RLBP1: variants seen among roughly 807,000 people sequenced by gnomAD.
The protein encoded by RLBP1 is retinaldehyde-binding protein 1.
Under a neutral mutation model 36.2 loss-of-function variants are expected in RLBP1, and 26 were observed. That is an observed-to-expected ratio of 0.72 (90% CI 0.53 to 1.00). The LOEUF is 1.00. Among genes scored for constraint, RLBP1 ranks in the 50% least tolerant of loss-of-function variants. The pLI is 0.00. For missense variants in RLBP1, 410 were observed against 402.4 expected, an observed-to-expected ratio of 1.02 and a Z score of -0.16; for synonymous variants, 155 against 156.2, an observed-to-expected ratio of 0.99 and a Z score of 0.06.
chr15:89,215,058 A>C lies in RLBP1; in HGVS notation c.525+2T>G. ...GTGGGAGCCAGGCGAGCCCCCACTA[A>C]CCTCATCAAAGGTGATTTCTTGACT... On this transcript the variant is annotated splice_donor_variant, in intron 6 of 8. Transcript: ENST00000268125. LOFTEE classifies it high-confidence loss of function. The C allele has an allele frequency of 6.2e-7, 1 of 1,613,962 alleles. No individual in the cohort carries two copies. Among genetic ancestry groups the C allele is most frequent in the Non-Finnish European group, 8.5e-7 (1 of 1,179,946 alleles).
In RLBP1 at chr15:89,218,694, C is replaced by G. The variant is rs763694069; in HGVS notation, c.13-1G>C. The G allele has an allele frequency of 7.4e-6, 12 of 1,613,966 alleles. No homozygotes were observed. Among genetic ancestry groups the G allele is most frequent in the Non-Finnish European group, 7.6e-6 (9 of 1,180,054 alleles). On this transcript the variant is annotated splice_acceptor_variant, in intron 3 of 8. Coordinates refer to ENST00000268125, the MANE Select transcript of RLBP1 (RefSeq NM_000326.5). LOFTEE classifies it high-confidence loss of function. This position sits in a 1 kb window ranked among gnomAD's most constrained non-coding sequence, Gnocchi z 4.6. ...CAGGTACCATGCGGAACGTGCCCAC[C>G]TGGGCAGAGAAAGGAAAAAGAGGAA...
rs2051569732 is a variant in RLBP1 at position 89,215,195 on chromosome 15, G to A, written c.390C>T (p.Ser130=). The part of the protein sequence containing the change: ...FRLQYPELFD[S]LSPEAVRCTI... ...TGCAGCGGACAGCCTCTGGGGACAG[G>A]CTGTCAAAGAGCTCAGGGTACTGCA... The change falls in exon 6 of 9, where the codon AGC becomes AGT. Residue 130 remains serine, a synonymous_variant. Transcript: ENST00000268125. 1 of 1,614,212 alleles carries A rather than the reference G, an allele frequency of 6.2e-7. No homozygotes were observed. The highest frequency in any genetic ancestry group is 1.7e-5 in the Admixed American group (1 of 60,028).
At chr15:89,212,831 C>T (rs2854511) in intron 6 of RLBP1, among the ~76,000 whole-genome samples, 48,504 of 151,358 alleles carry the variant, frequency 0.32, 8,637 homozygotes, top group Non-Finnish European at 0.4. Context: ...CAGGTTCAAG[C>T]GATTCCCCTG....
chr15:89,210,215 G>T lies in RLBP1; in HGVS notation c.*70C>A. The T allele has an allele frequency of 6.3e-7, 1 of 1,580,570 alleles. No individual in the cohort carries two copies. ...AGTCATCTCAAGCAGCCCTTTCCTA[G>T]CCTTGGGTCCAGGACAGTTGAGGAG... On this transcript the variant is annotated 3_prime_UTR_variant, in exon 9 of 9. Coordinates refer to ENST00000268125, the MANE Select transcript of RLBP1 (RefSeq NM_000326.5). The surrounding 1 kb of genome is among the most constrained non-coding windows in gnomAD (Gnocchi z 4.7).
chr15:89,218,770 C>A lies in RLBP1; in HGVS notation c.13-77G>T. ...GCCAGGGAAATGGGCCTGCTCAGAC[C>A]TTCAGTTCTTTTGCCCAAGGTCATT... On this transcript the variant is annotated intron_variant, in intron 3 of 8. Coordinates refer to ENST00000268125, the MANE Select transcript of RLBP1 (RefSeq NM_000326.5). The surrounding 1 kb of genome is among the most constrained non-coding windows in gnomAD (Gnocchi z 4.6). 3 of 1,604,458 alleles carry A rather than the reference C, an allele frequency of 1.9e-6. No homozygotes were observed. The highest frequency in any genetic ancestry group is 2.5e-6 in the Non-Finnish European group (3 of 1,176,558).
At chr15:89,215,020 C>T in intron 6 of RLBP1, 40 bp downstream of exon 6, 1 of 1,609,522 alleles carries the variant, frequency 6.2e-7, no homozygotes, top group South Asian at 1.1e-5. Context: ...AGGGAGGGAA[C>T]CCAGCCCACA....
rs1248230890 is a variant in RLBP1, at chr15:89,218,906, AAG to A, written c.12+56_12+57del. On this transcript the variant is annotated intron_variant, in intron 3 of 8. Transcript: ENST00000268125. This position sits in a 1 kb window ranked among gnomAD's most constrained non-coding sequence, Gnocchi z 4.6. ...GAGAAGTAAGGAGGGAGGGAGAGGG[AAG>A]AGAGAGAAGAGAGGGAAGGTGGGTG... 6.3e-7 allele frequency: 1 copy of A among 1,584,154 alleles called. No homozygotes were observed. Among genetic ancestry groups the A allele is most frequent in the African/African-American group, 1.3e-5 (1 of 74,328 alleles).
rs2051538024 is a variant in RLBP1 at position 89,211,538 on chromosome 15, G to C, written c.684+205C>G. Among the ~76,000 whole-genome samples, 1 of 152,208 alleles carries C rather than the reference G, an allele frequency of 6.6e-6. No homozygotes were observed. On this transcript the variant is annotated intron_variant, in intron 7 of 8. Coordinates refer to ENST00000268125, the MANE Select transcript of RLBP1 (RefSeq NM_000326.5). This position sits in a 1 kb window ranked among gnomAD's most constrained non-coding sequence, Gnocchi z 5.8. ...GAAGGAGGGAGAGAATGCTCTCAAGGAGTCGATGGAAGAATGAAAGGGAAT... is the reference window on the plus strand; with the variant it reads ...GAAGGAGGGAGAGAATGCTCTCAAGCAGTCGATGGAAGAATGAAAGGGAAT...
Position 89,210,938 on chromosome 15 carries a change from G to A in RLBP1, c.685-129C>T, listed in dbSNP as rs2051533073. ...AGCATCACAGGGCTGCCCTGGAGAA[G>A]GGCCCACTGAAGGTCCTATTTCCAG... On this transcript the variant is annotated intron_variant, in intron 7 of 8. Coordinates refer to ENST00000268125, the MANE Select transcript of RLBP1 (RefSeq NM_000326.5). This position sits in a 1 kb window ranked among gnomAD's most constrained non-coding sequence, Gnocchi z 4.7. 1 of 655,328 alleles carries A rather than the reference G, an allele frequency of 1.5e-6. No homozygotes were observed. The highest frequency in any genetic ancestry group is 2.8e-6 in the Non-Finnish European group (1 of 362,056). 40.6% of individuals were successfully genotyped at this position (655,328 alleles called of 1,614,324 possible).
rs1212087835 is a variant in RLBP1, at chr15:89,215,272, G to T, written c.347-34C>A. The T allele has an allele frequency of 3.7e-6, 6 of 1,610,848 alleles. No homozygotes were observed. The Middle Eastern group carries it at 9.9e-4, about 267-fold the overall frequency. ...AGGAGAGCAGAGGAACCCCCTCAGG[G>T]AGCCATCCCATCCCTACCCCATCCC... is the stretch of plus-strand genomic sequence containing the variant. On this transcript the variant is annotated intron_variant, in intron 5 of 8. Transcript: ENST00000268125.
Position 89,211,746 on chromosome 15 carries a change from G to C in RLBP1, c.681C>G (p.Leu227=). ...TSDLRKMVDM[L]QDSFPARFKA... ...GCGACAGAACTCTAAGCCTCACCTGGAGCATGTCCACCATCTTCCTGAGAT... is the reference window on the plus strand; with the variant it reads ...GCGACAGAACTCTAAGCCTCACCTGCAGCATGTCCACCATCTTCCTGAGAT... The change falls in exon 7 of 9, where the codon CTC becomes CTG. Residue 227 remains leucine (L), a synonymous_variant. Transcript: ENST00000268125. This position sits in a 1 kb window ranked among gnomAD's most constrained non-coding sequence, Gnocchi z 5.8. 1.2e-6 allele frequency: 2 copies of C among 1,613,702 alleles called. No homozygotes were observed. The highest frequency in any genetic ancestry group is 1.7e-6 in the Non-Finnish European group (2 of 1,179,986).
At chr15:89,216,334 T>C (rs1490517603) in intron 5 of RLBP1, among the ~76,000 whole-genome samples, 1 of 152,034 alleles carries the variant, frequency 6.6e-6, no homozygotes, top group African/African-American at 2.4e-5. Flanking sequence ...TCTTTCTTTC[T>C]TTTTTGAGAT....
At chr15:89,217,405 A>C (rs2051591575) in intron 4 of RLBP1, 81 bp from the exon 5 acceptor site, 21 of 1,434,700 alleles carry the variant, frequency 1.5e-5, no homozygotes, top group Admixed American at 3.4e-5. Context: ...GTCTCCTGCC[A>C]GAGCTAGACC....
In RLBP1 at chr15:89,209,913, G is replaced by A. The variant is rs933665325; in HGVS notation, c.*372C>T. On this transcript the variant is annotated 3_prime_UTR_variant, in exon 9 of 9. Coordinates refer to ENST00000268125, the MANE Select transcript of RLBP1 (RefSeq NM_000326.5). ...TTTTATTGCATTTTGGGGGCGAATA[G>A]GGGGATATTTTAACCCGGGCTCCTT... 1.3e-5 allele frequency: 4 copies of A among 312,302 alleles called. No homozygotes were observed. The highest frequency in any genetic ancestry group is 2.5e-5 in the Non-Finnish European group (4 of 163,030). The allele number at this position is 312,302 out of a possible 1,614,324, so 19.3% of individuals were successfully genotyped here.
At position 89,210,310 on chromosome 15, in the gene RLBP1, G is replaced by A; in HGVS notation, c.929C>T (p.Ala310Val). 2 of 1,614,212 alleles carry A rather than the reference G, an allele frequency of 1.2e-6. No individual in the cohort carries two copies. Among genetic ancestry groups the A allele is most frequent in the Non-Finnish European group, 1.7e-6 (2 of 1,180,054 alleles). The change falls in exon 9 of 9, where the codon GCC (alanine) becomes GTC (valine). Residue 310 changes from alanine (A) to valine (V), a missense_variant. Ala to Val is a moderately conservative substitution (Grantham distance 64). Transcript: ENST00000268125. This position sits in a 1 kb window ranked among gnomAD's most constrained non-coding sequence, Gnocchi z 4.7. ...TCAGAAGGCTGTGTTCTCAGCTTGG[G>A]CCTGGGGGCCAAAGAGCTGCTCAGC... ...AVAEQLFGPQ[A>V]QAENTAF is the part of the protein sequence containing the mutation.
chr15:89,211,827 G>A lies in RLBP1; in HGVS notation c.600C>T (p.Ile200=). 6.2e-7 allele frequency: 1 copy of A among 1,614,220 alleles called. No individual in the cohort carries two copies. Among genetic ancestry groups the A allele is most frequent in the Non-Finnish European group, 8.5e-7 (1 of 1,180,036 alleles). ...TGGTAAAGCCCTTGAAGTTCTCAAT[G>A]ATGCAGAAGCCATTGATTTGAGTTT... The part of the protein sequence containing the change: ...NEETQINGFC[I]IENFKGFTMQ... Residue 200 remains isoleucine, a synonymous_variant, in exon 7 of 9, where the codon ATC becomes ATT. Transcript: ENST00000268125. This position sits in a 1 kb window ranked among gnomAD's most constrained non-coding sequence, Gnocchi z 5.8.
chr15:89,213,987 T>C (rs149716260), intron 6 of RLBP1, among the ~76,000 whole-genome samples: 2 of 151,878 alleles, frequency 1.3e-5, no homozygotes, highest in African/African-American at 4.8e-5. Flanking sequence ...ATCTCTATCA[T>C]CGAAACAGTA....
rs907265823 is a variant in RLBP1, at chr15:89,218,997, G to A, written c.-22C>T. 8 of 1,613,986 alleles carry A rather than the reference G, an allele frequency of 5.0e-6. No homozygotes were observed. The highest frequency in any genetic ancestry group is 6.8e-6 in the Non-Finnish European group (8 of 1,179,994). ...ACATGTTGCCTATGGAAGACACAGA[G>A]TCCTTGGAAAAAGAAGGGATCTGCT... On this transcript the variant is annotated 5_prime_UTR_variant, in exon 3 of 9. Coordinates refer to ENST00000268125, the MANE Select transcript of RLBP1 (RefSeq NM_000326.5). The surrounding 1 kb of genome is among the most constrained non-coding windows in gnomAD (Gnocchi z 4.6).
intron 5 of RLBP1, 103 bp from the exon 6 acceptor site, chr15:89,215,341 T>C: frequency 8.7e-7 from 1 of 1,147,020 alleles, no homozygotes; most frequent in Non-Finnish European, 1.3e-6. Context: ...AGGTCCTATG[T>C]GTGACCGAGC....
Sources: gnomAD v4.1 joint callset for allele counts (sites outside exome capture counted in the v4.1 genomes callset) on GRCh38, gnomAD v4.1.1 for gene constraint, Gnocchi (gnomAD v3.1) non-coding constraint, MANE v1.5 for transcripts, NCBI Gene and HGNC (gene_info 2026-07-23, HGNC 2026-07-21) for gene names.